Variants in ITGB5 observed in about 807,000 individuals in gnomAD.
The protein encoded by ITGB5 is integrin beta-5.
ITGB5 carries 38 observed loss-of-function variants against 84.8 expected under a neutral mutation model. That is an observed-to-expected ratio of 0.45 (90% CI 0.35 to 0.59). The LOEUF (loss-of-function observed/expected upper bound fraction) is 0.59. ITGB5 is among the 20% of genes least tolerant of loss of function. ITGB5 has a pLI of 0.01. For missense variants in ITGB5, 905 were observed against 1,034.5 expected, an observed-to-expected ratio of 0.87 and a Z score of 1.72; for synonymous variants, 393 against 414.4, an observed-to-expected ratio of 0.95 and a Z score of 0.63.
intron 2 of ITGB5, among the ~76,000 whole-genome samples, chr3:124,860,455 C>T (rs2065280460): frequency 6.6e-6 from 1 of 152,068 alleles, no homozygotes; most frequent in South Asian, 2.1e-4. Flanking sequence ...TGTATGATAA[C>T]GACACATTGA....
intron 9 of ITGB5, among the ~76,000 whole-genome samples, chr3:124,801,149 G>A (rs1215160364): frequency 6.6e-6 from 1 of 152,182 alleles, no homozygotes; most frequent in Non-Finnish European, 1.5e-5. Flanking sequence ...GAGCGGGGAG[G>A]GGGTGCTGTG....
At position 124,773,730 on chromosome 3, in the gene ITGB5, C is replaced by T. The variant is rs753424555; in HGVS notation, c.1876G>A (p.Glu626Lys). 1.2e-6 allele frequency: 2 copies of T among 1,612,400 alleles called. No individual in the cohort carries two copies. Among genetic ancestry groups the T allele is most frequent in the African/African-American group, 2.7e-5 (2 of 74,878 alleles). ...GCATCCGGGCAGGTGGGGCACTTCTCACACATCTCCCCAAAGGCCCCCGGC... is the reference window on the plus strand; with the variant it reads ...GCATCCGGGCAGGTGGGGCACTTCTTACACATCTCCCCAAAGGCCCCCGGC... The part of the protein sequence containing the change: ...TEPGAFGEMC[E>K]KCPTCPDACS... The change falls in exon 11 of 15, where the codon GAG becomes AAG. Residue 626 changes from glutamate (E) to lysine (K), a missense_variant. Around this residue, in one of 3 missense-constraint regions of ITGB5, gnomAD observed 116 missense variants for 177.0 expected, o/e 0.66. Transcript: ENST00000296181.
intron 3 of ITGB5, among the ~76,000 whole-genome samples, chr3:124,849,439 A>C (rs76833369): frequency 0.13 from 20,028 of 151,988 alleles, 1,748 homozygotes; most frequent in Non-Finnish European, 0.19. Context: ...ATGCCACATC[A>C]CCTGTGTTTG....
intron 5 of ITGB5, among the ~76,000 whole-genome samples, chr3:124,838,624 CAG>C (rs1371500622): frequency 1.3e-5 from 2 of 151,274 alleles, no homozygotes; most frequent in Non-Finnish European, 2.9e-5. Context: ...TTTTTTGAGA[CAG>C]AGTCTTGCTC....
intron 1 of ITGB5, chr3:124,894,604 T>A (rs1362682687): frequency 6.6e-6 from 1 of 152,196 alleles, no homozygotes; most frequent in African/African-American, 2.4e-5. Flanking sequence ...GCAATCACAA[T>A]GCGTTCCTCT....
chr3:124,820,470 A>G (rs893931974), intron 6 of ITGB5, among the ~76,000 whole-genome samples: 1 of 152,202 alleles, frequency 6.6e-6, no homozygotes, highest in African/African-American at 2.4e-5. Context: ...TGATGGGTAC[A>G]GGGGCCCGCA....
intron 1 of ITGB5, among the ~76,000 whole-genome samples, chr3:124,898,643 C>CA (rs68025034): frequency 0.3 from 8,858 of 29,138 alleles, 3,274 homozygotes; most frequent in East Asian, 0.48. Context: ...GACTCCGTCT[C>CA]AAAAAAAAAA....
intron 9 of ITGB5, among the ~76,000 whole-genome samples, chr3:124,799,781 G>A (rs115620902): frequency 2.6e-5 from 4 of 152,232 alleles, no homozygotes; most frequent in African/African-American, 4.8e-5. Flanking sequence ...CAGGGCCCGC[G>A]CTCTCCTTAG....
chr3:124,889,329 C>G (rs1401278674), upstream of ITGB5, among the ~76,000 whole-genome samples: 1 of 152,228 alleles, frequency 6.6e-6, no homozygotes, highest in Admixed American at 6.5e-5. Flanking sequence ...CCTTTTGTCT[C>G]TTATCTGCTT....
At chr3:124,828,161 C>T (rs1189282919) in intron 5 of ITGB5, among the ~76,000 whole-genome samples, 1 of 152,132 alleles carries the variant, frequency 6.6e-6, no homozygotes, top group Non-Finnish European at 1.5e-5. Context: ...AAAGACCTAC[C>T]ATATGACCCA....
rs2063726828 is a variant in ITGB5, at chr3:124,763,722, C to G, written c.2305-4G>C. ...TTCTGTATAATGGATTTGAAGCCTACAGAACACGGCGGGGAAGAGGATGAG... is the reference window on the plus strand; with the variant it reads ...TTCTGTATAATGGATTTGAAGCCTAGAGAACACGGCGGGGAAGAGGATGAG... On this transcript the variant is annotated splice_polypyrimidine_tract_variant and splice_region_variant and intron_variant, in intron 14 of 14. Coordinates refer to ENST00000296181, the MANE Select transcript of ITGB5 (RefSeq NM_002213.5). 3 of 1,560,178 alleles carry G rather than the reference C, an allele frequency of 1.9e-6. No homozygotes were observed. Among genetic ancestry groups the G allele is most frequent in the African/African-American group, 1.4e-5 (1 of 73,894 alleles).
intron 6 of ITGB5, among the ~76,000 whole-genome samples, chr3:124,820,680 A>T (rs898971126): frequency 4.6e-5 from 7 of 152,242 alleles, no homozygotes; most frequent in Non-Finnish European, 8.8e-5. Context: ...AAAATTGCAC[A>T]GTGAGTATGC....
chr3:124,814,702 T>C (rs887290122), intron 8 of ITGB5, among the ~76,000 whole-genome samples: 1 of 152,094 alleles, frequency 6.6e-6, no homozygotes, highest in East Asian at 1.9e-4. Context: ...CAGCTTAGCC[T>C]CCCAAAGCAC....
At chr3:124,768,016 G>C (rs1211162277) in intron 12 of ITGB5, among the ~76,000 whole-genome samples, 1 of 152,210 alleles carries the variant, frequency 6.6e-6, no homozygotes, top group Admixed American at 6.5e-5. Context: ...CTTCCAGTGA[G>C]CTATGATGGT....
In ITGB5 at chr3:124,763,045, A is replaced by G. The variant is rs1422383669; in HGVS notation, c.*578T>C. ...ATAAAAGTACTAAACAAACACGGACAGGAGAGGAAACTGACATTTGCAAAC... is the reference window on the plus strand; with the variant it reads ...ATAAAAGTACTAAACAAACACGGACGGGAGAGGAAACTGACATTTGCAAAC... On this transcript the variant is annotated 3_prime_UTR_variant, in exon 15 of 15. Coordinates refer to ENST00000296181, the MANE Select transcript of ITGB5 (RefSeq NM_002213.5). 6.6e-6 allele frequency: 1 copy of G among 152,350 alleles called. No homozygotes were observed. Among genetic ancestry groups the G allele is most frequent in the African/African-American group, 2.4e-5 (1 of 41,476 alleles). The allele number at this position is 152,350 out of a possible 1,614,324, so 9.4% of individuals were successfully genotyped here. A position where few individuals can be genotyped will look rare whatever the true frequency, so the allele number is the denominator to read the frequency against.
intron 5 of ITGB5, among the ~76,000 whole-genome samples, chr3:124,831,369 C>A (rs963918139): frequency 6.6e-6 from 1 of 152,194 alleles, no homozygotes; most frequent in Non-Finnish European, 1.5e-5. Flanking sequence ...GCAGCTGAAT[C>A]TTCCTACTGG....
intron 9 of ITGB5, among the ~76,000 whole-genome samples, chr3:124,797,735 C>A (rs369296081): frequency 7.9e-5 from 12 of 152,234 alleles, no homozygotes; most frequent in Admixed American, 4.6e-4. Context: ...CTCCTCACCC[C>A]CCTGAGGAGA....
chr3:124,884,069 G>T (rs2107653519), intron 1 of ITGB5, among the ~76,000 whole-genome samples: 1 of 152,230 alleles, frequency 6.6e-6, no homozygotes, highest in East Asian at 1.9e-4. Context: ...ACCCAGGCAG[G>T]CATGGCCCTG....
chr3:124,802,208 C>T (rs886775245), intron 9 of ITGB5, among the ~76,000 whole-genome samples: 6 of 152,156 alleles, frequency 3.9e-5, no homozygotes, highest in Non-Finnish European at 4.4e-5. Flanking sequence ...TGAGTGAGCA[C>T]GGGATTTGGT....
Sources: allele counts gnomAD v4.1 joint callset (sites outside exome capture counted in the v4.1 genomes callset), GRCh38; gene constraint gnomAD v4.1.1; regional missense constraint gnomAD v4.1.1; transcripts MANE v1.5; gene names NCBI Gene and HGNC (gene_info 2026-07-23, HGNC 2026-07-21).